ENTREP2: variants seen among roughly 807,000 people sequenced by gnomAD.
ENTREP2 encodes endosomal transmembrane epsin interactor 2.
the ENTREP2 span, chr15:29,234,261 G>A: frequency 6.2e-7 from 1 of 1,612,576 alleles, no homozygotes; most frequent in Non-Finnish European, 8.5e-7. Flanking sequence ...TCCGCAGAAG[G>A]AGTTTTAAGT....
At chr15:29,499,116 T>G in the ENTREP2 span, among the ~76,000 whole-genome samples, 1 of 152,240 alleles carries the variant, frequency 6.6e-6, no homozygotes. Flanking sequence ...GTCTTTTGAC[T>G]GGATAATTTA....
chr15:29,170,904 A>G, the ENTREP2 span, among the ~76,000 whole-genome samples: 8 of 152,230 alleles, frequency 5.3e-5, no homozygotes, highest in Admixed American at 4.6e-4. Context: ...TAATTTACAA[A>G]GAATGTAAGT....
chr15:29,321,783 T>C, the ENTREP2 span, among the ~76,000 whole-genome samples: 1 of 151,406 alleles, frequency 6.6e-6, no homozygotes, highest in Non-Finnish European at 1.5e-5. Context: ...TGAGAACATA[T>C]GGACACAGGG....
the ENTREP2 span, among the ~76,000 whole-genome samples, chr15:29,604,102 A>G: frequency 6.6e-6 from 1 of 152,262 alleles, no homozygotes; most frequent in Non-Finnish European, 1.5e-5. Context: ...TATGCAAAGG[A>G]GTCCATGAGG....
chr15:29,305,442 A>C, the ENTREP2 span, among the ~76,000 whole-genome samples: 2 of 152,312 alleles, frequency 1.3e-5, no homozygotes, highest in Admixed American at 1.3e-4. Context: ...AGAGTATTTC[A>C]GCTGCCTTGG....
chr15:29,625,390 T>G, the ENTREP2 span, among the ~76,000 whole-genome samples: 1 of 152,210 alleles, frequency 6.6e-6, no homozygotes, highest in Admixed American at 6.5e-5. Context: ...TGTTAGTACA[T>G]GCCTAGTTTG....
the ENTREP2 span, chr15:29,269,825 G>A: frequency 2.0e-6 from 2 of 981,020 alleles, no homozygotes; most frequent in Non-Finnish European, 2.8e-6. Context: ...CTGAGACTGC[G>A]TGCTGCGTCA....
At chr15:29,667,147 G>A in the ENTREP2 span, among the ~76,000 whole-genome samples, 1 of 151,768 alleles carries the variant, frequency 6.6e-6, no homozygotes, top group Non-Finnish European at 1.5e-5. Context: ...ACATTCACAG[G>A]TGCCAGGTTA....
At chr15:29,593,732 A>G in the ENTREP2 span, among the ~76,000 whole-genome samples, 1 of 152,214 alleles carries the variant, frequency 6.6e-6, no homozygotes, top group Non-Finnish European at 1.5e-5. Context: ...GTGCATGTCA[A>G]TTATCAATAT....
chr15:29,500,085 T>C, the ENTREP2 span, among the ~76,000 whole-genome samples: 1 of 151,442 alleles, frequency 6.6e-6, no homozygotes, highest in African/African-American at 2.4e-5. Context: ...ACCAACAGAG[T>C]CCTAAAAATA....
At chr15:29,398,171 T>A in the ENTREP2 span, among the ~76,000 whole-genome samples, 1 of 149,032 alleles carries the variant, frequency 6.7e-6, no homozygotes, top group African/African-American at 2.5e-5. Context: ...ACATACTAGA[T>A]ATAAACACAC....
the ENTREP2 span, among the ~76,000 whole-genome samples, chr15:29,225,297 T>C: frequency 0.62 from 95,082 of 152,200 alleles, 29,893 homozygotes; most frequent in African/African-American, 0.66. Context: ...GCTGCCAGCA[T>C]GCTGTCACCT....
At chr15:29,317,237 T>C in the ENTREP2 span, among the ~76,000 whole-genome samples, 1 of 152,212 alleles carries the variant, frequency 6.6e-6, no homozygotes, top group Non-Finnish European at 1.5e-5. Context: ...TAAAACTACA[T>C]ATAACTATTA....
the ENTREP2 span, among the ~76,000 whole-genome samples, chr15:29,167,377 C>G: frequency 6.6e-6 from 1 of 152,020 alleles, no homozygotes; most frequent in Non-Finnish European, 1.5e-5. Context: ...GTAGAGTAAA[C>G]AGACAATCCA....
chr15:29,498,238 A>G, the ENTREP2 span, among the ~76,000 whole-genome samples: 1 of 152,188 alleles, frequency 6.6e-6, no homozygotes. Flanking sequence ...CTGTGAGTCA[A>G]TTAAACCTCT....
the ENTREP2 span, among the ~76,000 whole-genome samples, chr15:29,355,606 C>T: frequency 6.6e-6 from 1 of 152,142 alleles, no homozygotes; most frequent in Non-Finnish European, 1.5e-5. Context: ...ATTCTGTTCT[C>T]ATTATGTAGT....
the ENTREP2 span, among the ~76,000 whole-genome samples, chr15:29,489,974 C>T: frequency 6.6e-6 from 1 of 151,724 alleles, no homozygotes; most frequent in Admixed American, 6.6e-5. Flanking sequence ...ATGAAACTGT[C>T]TCTAAATAGC....
chr15:29,142,132 G>C, the ENTREP2 span, among the ~76,000 whole-genome samples: 1 of 152,156 alleles, frequency 6.6e-6, no homozygotes, highest in South Asian at 2.1e-4. Flanking sequence ...TCTAGGGAAG[G>C]TCTGTCTCCC....
At chr15:29,552,395 C>T in the ENTREP2 span, among the ~76,000 whole-genome samples, 4 of 151,812 alleles carry the variant, frequency 2.6e-5, no homozygotes, top group East Asian at 7.7e-4. Flanking sequence ...GACTCTAAAC[C>T]GTCCAAAGCA....
Sources: gnomAD v4.1 joint callset for allele counts (sites outside exome capture counted in the v4.1 genomes callset) on GRCh38, gnomAD v4.1.1 for gene constraint, MANE v1.5 for transcripts, NCBI Gene and HGNC (gene_info 2026-07-23, HGNC 2026-07-21) for gene names.